The following SLC26A8 variants were observed in gnomAD, a reference collection of about 807,000 sequenced individuals.
The protein encoded by SLC26A8 is solute carrier family 26 member 8, also known as testis anion transporter 1.
Under a neutral mutation model 105.0 loss-of-function variants are expected in SLC26A8, and 70 were observed. The observed-to-expected ratio is 0.67, with a 90% CI of 0.55 to 0.81. The LOEUF is 0.81. Among genes scored for constraint, SLC26A8 ranks in the 40% least tolerant of loss-of-function variants. The pLI is 0.00. For missense variants in SLC26A8, 998 were observed against 1,181.8 expected (o/e 0.84, Z 2.28); for synonymous variants, 415 against 438.3 (o/e 0.95, Z 0.66).
chr6:36,014,833 T>C (rs905050749), intron 2 of SLC26A8, among the ~76,000 whole-genome samples: 2 of 151,082 alleles, frequency 1.3e-5, no homozygotes, highest in African/African-American at 4.9e-5. Flanking sequence ...GCCACTGCAC[T>C]CCAGCATGGA....
At position 35,959,470 on chromosome 6, in the gene SLC26A8, G is replaced by A. The variant is rs149456040; in HGVS notation, c.1853C>T (p.Pro618Leu). ...RCFCNCDDLEPLPRILYTERF... is the reference protein window; with the variant it reads ...RCFCNCDDLELLPRILYTERF... ...AAAGGCATTTCTAACCCTGGGCAGCGGCTCCAGATCATCACAGTTGCAGAA... is the reference window on the plus strand; with the variant it reads ...AAAGGCATTTCTAACCCTGGGCAGCAGCTCCAGATCATCACAGTTGCAGAA... Residue 618 changes from proline to leucine, a missense_variant, in exon 16 of 20, where the codon CCG becomes CTG. Physicochemically the swap from Pro to Leu is moderately conservative, Grantham distance 98. Coordinates refer to ENST00000490799, the MANE Select transcript of SLC26A8 (RefSeq NM_052961.4). The A allele has an allele frequency of 2.1e-4, 339 of 1,609,590 alleles. 3 individuals carry two copies. Among genetic ancestry groups the A allele is most frequent in the Middle Eastern group, 9.9e-4 (6 of 6,032 alleles).
At chr6:36,008,933 T>C (rs1391145601) in intron 3 of SLC26A8, among the ~76,000 whole-genome samples, 1 of 152,154 alleles carries the variant, frequency 6.6e-6, no homozygotes, top group African/African-American at 2.4e-5. Flanking sequence ...GAAGGTAATA[T>C]GTTAAGCCAC....
At chr6:36,016,230 T>A (rs1232517533) in intron 2 of SLC26A8, among the ~76,000 whole-genome samples, 1 of 152,064 alleles carries the variant, frequency 6.6e-6, no homozygotes, top group Non-Finnish European at 1.5e-5. Context: ...CTGACCTCAG[T>A]GATCCGCCCA....
At chr6:35,992,371 C>A in intron 6 of SLC26A8, 139 bp downstream of exon 6, 1 of 750,114 alleles carries the variant, frequency 1.3e-6, no homozygotes, top group South Asian at 2.8e-5. Context: ...GAAAATATTT[C>A]TAGTACCCTC....
At chr6:36,004,464 A>T (rs1761625980) in intron 3 of SLC26A8, among the ~76,000 whole-genome samples, 1 of 151,982 alleles carries the variant, frequency 6.6e-6, no homozygotes, top group African/African-American at 2.4e-5. Context: ...ATGCCTTTTT[A>T]AAATTTTTTT....
At position 35,994,118 on chromosome 6, in the gene SLC26A8, T is replaced by C. The variant is rs1461292802; in HGVS notation, c.628-1444A>G. ...GTGTCTCCCTTTTTTTTTCTTTTCT[T>C]TTTTTTTTTTTTTTGAGACGGAGTC... On this transcript the variant is annotated intron_variant, in intron 5 of 19. Coordinates refer to ENST00000490799, the MANE Select transcript of SLC26A8 (RefSeq NM_052961.4). Among the ~76,000 whole-genome samples the C allele has an allele frequency of 4.8e-5, 7 of 144,970 alleles. No individual in the cohort carries two copies. In the East Asian group the frequency reaches 5.9e-4, roughly 12 times the overall value.
Position 35,977,207 on chromosome 6 carries a change from G to T in SLC26A8, c.1170C>A (p.Asn390Lys). ...ASLHNYSVNS[N>K]QDLIAIGLCN... is the part of the protein sequence containing the mutation. Reference sequence around the variant, plus strand: ...GAGGAAGTAGTAGTCCTCTCACCTGGTTGGAATTGACACTGTAATTGTGAA... The same window carrying T: ...GAGGAAGTAGTAGTCCTCTCACCTGTTTGGAATTGACACTGTAATTGTGAA... Residue 390 changes from asparagine to lysine, a missense_variant, in exon 9 of 20, where the codon AAC becomes AAA. Transcript: ENST00000490799. 6.2e-7 allele frequency: 1 copy of T among 1,613,388 alleles called. No individual in the cohort carries two copies. The highest frequency in any genetic ancestry group is 8.5e-7 in the Non-Finnish European group (1 of 1,179,730).
intron 5 of SLC26A8, among the ~76,000 whole-genome samples, chr6:35,994,177 T>A (rs1761279889): frequency 7.1e-6 from 1 of 141,658 alleles, no homozygotes; most frequent in African/African-American, 2.6e-5. Context: ...TGCAGTGGCG[T>A]GATCTCGACT....
At chr6:35,956,899 A>G (rs1329549650) in intron 16 of SLC26A8, among the ~76,000 whole-genome samples, 1 of 150,414 alleles carries the variant, frequency 6.6e-6, no homozygotes, top group African/African-American at 2.5e-5. Context: ...AGCCTGGGCA[A>G]TAAGAGCAAA....
chr6:35,963,160 T>G (rs1000909977), intron 11 of SLC26A8, among the ~76,000 whole-genome samples: 2 of 152,092 alleles, frequency 1.3e-5, no homozygotes, highest in African/African-American at 4.8e-5. Context: ...CTCCTTACCA[T>G]TGAGCAGGCC....
chr6:36,004,645 A>C lies in SLC26A8; in HGVS notation c.329-4537T>G, dbSNP rs190202863. Among the ~76,000 whole-genome samples, 28 of 147,030 alleles carry C rather than the reference A, an allele frequency of 1.9e-4. No individual in the cohort carries two copies. In the East Asian group the frequency reaches 5.1e-3, roughly 27 times the overall value. On this transcript the variant is annotated intron_variant, in intron 3 of 19. Coordinates refer to ENST00000490799, the MANE Select transcript of SLC26A8 (RefSeq NM_052961.4). ...CCATTATAATGTTGTAATGTTGAAT[A>C]GCCCCTATTTACTTTTTTTCTTTTT... is the stretch of plus-strand genomic sequence containing the variant.
intron 3 of SLC26A8, among the ~76,000 whole-genome samples, chr6:36,000,662 A>G (rs1761495527): frequency 6.6e-6 from 1 of 152,230 alleles, no homozygotes; most frequent in Non-Finnish European, 1.5e-5. Context: ...CAAATGGACT[A>G]ACAGGCATAG....
chr6:35,957,848 C>T (rs1452944306), intron 16 of SLC26A8, among the ~76,000 whole-genome samples: 1 of 152,092 alleles, frequency 6.6e-6, no homozygotes, highest in Admixed American at 6.6e-5. Context: ...CCAGGTGATC[C>T]GCCTGCCTCG....
chr6:35,971,904 A>G (rs558159029), intron 10 of SLC26A8, among the ~76,000 whole-genome samples: 1 of 152,250 alleles, frequency 6.6e-6, no homozygotes, highest in Non-Finnish European at 1.5e-5. Flanking sequence ...ACGGAAGCAC[A>G]GTGGTACGAA....
At position 35,951,283 on chromosome 6, in the gene SLC26A8, C is replaced by A; in HGVS notation, c.2352G>T (p.Leu784=). ...GCACGGCGTCGTGAACGCTGAGGAA[C>A]AGCTGGGTCTTGGTGATGCCAGCGT... ...FFDAGITKTQ[L]FLSVHDAVLF... is the part of the protein sequence containing the mutation. Residue 784 remains leucine (L), a synonymous_variant, in exon 19 of 20, where the codon CTG becomes CTT. Transcript: ENST00000490799. 1.9e-6 allele frequency: 3 copies of A among 1,614,154 alleles called. No homozygotes were observed. Among genetic ancestry groups the A allele is most frequent in the Non-Finnish European group, 2.5e-6 (3 of 1,180,040 alleles).
rs978397580 is a variant in SLC26A8, at chr6:35,975,355, C to A, written c.1287+20G>T. The A allele has an allele frequency of 7.1e-7, 1 of 1,408,026 alleles. No individual in the cohort carries two copies. Among genetic ancestry groups the A allele is most frequent in the South Asian group, 1.2e-5 (1 of 85,098 alleles). 87.2% of individuals were successfully genotyped at this position (1,408,026 alleles called of 1,614,324 possible). A position where few individuals can be genotyped will look rare whatever the true frequency, so the allele number is the denominator to read the frequency against. On this transcript the variant is annotated intron_variant, in intron 10 of 19. Coordinates refer to ENST00000490799, the MANE Select transcript of SLC26A8 (RefSeq NM_052961.4). ...ATGAATATGTTTATGTATTAGAGATCAAATTGTATTTCAACATACCTGTTG... is the reference window on the plus strand; with the variant it reads ...ATGAATATGTTTATGTATTAGAGATAAAATTGTATTTCAACATACCTGTTG...
intron 2 of SLC26A8, among the ~76,000 whole-genome samples, chr6:36,018,801 G>A (rs546329560): frequency 1.2e-4 from 19 of 152,294 alleles, no homozygotes; most frequent in South Asian, 2.1e-4. Flanking sequence ...TAGTCACAGC[G>A]GGTATCAGAG....
intron 12 of SLC26A8, among the ~76,000 whole-genome samples, chr6:35,961,498 C>A (rs1438608373): frequency 6.6e-6 from 1 of 152,174 alleles, no homozygotes; most frequent in East Asian, 1.9e-4. Context: ...CAGGCCCCTA[C>A]CCCAGCACCT....
intron 17 of SLC26A8, among the ~76,000 whole-genome samples, chr6:35,952,760 A>G (rs1771922517): frequency 6.6e-6 from 1 of 152,168 alleles, no homozygotes; most frequent in African/African-American, 2.4e-5. Context: ...TCATGCCTGT[A>G]ATCCCAGCAC....
Sources: allele counts gnomAD v4.1 joint callset (sites outside exome capture counted in the v4.1 genomes callset), GRCh38; gene constraint gnomAD v4.1.1; transcripts MANE v1.5; gene names NCBI Gene and HGNC (gene_info 2026-07-23, HGNC 2026-07-21).